The following RNGTT variants were observed in gnomAD, a reference collection of about 807,000 sequenced individuals.
RNGTT encodes the protein mRNA-capping enzyme.
In RNGTT, 33 loss-of-function variants were observed where a neutral mutation model predicts 79.3. The observed-to-expected ratio is 0.42, with a 90% CI of 0.32 to 0.56. The LOEUF (loss-of-function observed/expected upper bound fraction) is 0.56. Among genes scored for constraint, RNGTT ranks in the 20% least tolerant of loss-of-function variants. The pLI, the probability that RNGTT is intolerant of heterozygous loss-of-function variation, is 0.17. For synonymous variants in RNGTT, 222 were observed against 235.9 expected (o/e 0.94, Z 0.54); for missense variants, 497 against 739.1 (o/e 0.67, Z 3.80).
chr6:88,776,373 G>A (rs2127846715), intron 12 of RNGTT, among the ~76,000 whole-genome samples: 2 of 149,836 alleles, frequency 1.3e-5, no homozygotes, highest in Admixed American at 6.7e-5. Flanking sequence ...AGGCTGGAGT[G>A]CAGTGGCGCA....
intron 14 of RNGTT, 169 bp downstream of exon 14, chr6:88,678,183 AG>A (rs1427646796): frequency 1.6e-6 from 2 of 1,252,466 alleles, no homozygotes; most frequent in Admixed American, 3.8e-5. Context: ...TTGTAGAGAC[AG>A]GGTTCCCAGC....
chr6:88,786,239 A>T (rs1779225811), intron 12 of RNGTT, among the ~76,000 whole-genome samples: 1 of 152,160 alleles, frequency 6.6e-6, no homozygotes. Flanking sequence ...ATCAAAGCTG[A>T]TTTTTCAAAA....
intron 11 of RNGTT, among the ~76,000 whole-genome samples, chr6:88,835,975 AACACACACACACACACACAC>A (rs72228554): frequency 5.3e-5 from 6 of 113,764 alleles, no homozygotes; most frequent in African/African-American, 1.0e-4. Context: ...CTCTATTAAA[AACACACACACACACACACAC>A]ACACACACAC....
intron 1 of RNGTT, among the ~76,000 whole-genome samples, chr6:88,957,152 T>C (rs1413795937): frequency 1.3e-5 from 2 of 152,228 alleles, no homozygotes; most frequent in Non-Finnish European, 2.9e-5. Flanking sequence ...CCAGTATCCC[T>C]TCATGATTAA....
chr6:88,726,843 T>A (rs1488424002), intron 13 of RNGTT, among the ~76,000 whole-genome samples: 2 of 152,096 alleles, frequency 1.3e-5, no homozygotes, highest in East Asian at 3.8e-4. Context: ...AATCCCAAAC[T>A]TACAAGGTTT....
chr6:88,791,250 T>C (rs1779398884), intron 12 of RNGTT, among the ~76,000 whole-genome samples: 2 of 148,322 alleles, frequency 1.3e-5, no homozygotes. Context: ...GCTCAAGCAA[T>C]CCTCCTACCT....
chr6:88,617,046 G>C (rs889037983), intron 14 of RNGTT, among the ~76,000 whole-genome samples: 1 of 152,236 alleles, frequency 6.6e-6, no homozygotes, highest in African/African-American at 2.4e-5. Context: ...GCCGAGGTGG[G>C]CAGATCATGA....
chr6:88,694,918 G>GC, intron 13 of RNGTT, among the ~76,000 whole-genome samples: 1 of 151,936 alleles, frequency 6.6e-6, no homozygotes, highest in South Asian at 2.1e-4. Context: ...TAACACACCA[G>GC]CCCCCTGCTC....
chr6:88,807,312 T>C (rs570771089), intron 11 of RNGTT, among the ~76,000 whole-genome samples: 1 of 151,928 alleles, frequency 6.6e-6, no homozygotes, highest in South Asian at 2.1e-4. Flanking sequence ...GTGGAAAACA[T>C]GCATAAACGG....
intron 12 of RNGTT, among the ~76,000 whole-genome samples, chr6:88,780,994 C>A (rs1005924720): frequency 1.3e-5 from 2 of 152,164 alleles, no homozygotes; most frequent in Non-Finnish European, 2.9e-5. Flanking sequence ...CTACTGCCAT[C>A]TAGTGGTTAA....
In RNGTT at chr6:88,939,786, G is replaced by A. The variant is rs916126594; in HGVS notation, c.174+1285C>T. Among the ~76,000 whole-genome samples, 12 of 149,078 alleles carry A rather than the reference G, an allele frequency of 8.0e-5. No homozygotes were observed. The South Asian group carries it at 1.3e-3, about 16-fold the overall frequency. On this transcript the variant is annotated intron_variant, in intron 2 of 15. Coordinates refer to ENST00000369485, the MANE Select transcript of RNGTT (RefSeq NM_003800.5). ...CACTTCTCCTTTTTTTTTGAGACAC[G>A]GTCACACTATCGCCCAGGCTGCAGT...
chr6:88,814,441 ATAGCTT>A (rs1389865638), intron 11 of RNGTT, among the ~76,000 whole-genome samples: 1 of 152,216 alleles, frequency 6.6e-6, no homozygotes, highest in Non-Finnish European at 1.5e-5. Flanking sequence ...TTGCCTTAGT[ATAGCTT>A]TTAAAGCCCT....
intron 11 of RNGTT, among the ~76,000 whole-genome samples, chr6:88,838,330 T>C (rs966642722): frequency 3.3e-5 from 5 of 152,128 alleles, no homozygotes; most frequent in African/African-American, 9.7e-5. Flanking sequence ...TAGCACCTTT[T>C]TCACTTATAT....
chr6:88,690,423 T>C (rs906056885), intron 13 of RNGTT, among the ~76,000 whole-genome samples: 1 of 141,610 alleles, frequency 7.1e-6, no homozygotes, highest in Non-Finnish European at 1.5e-5. Flanking sequence ...AAAAAAAAAA[T>C]TGGTCGAGGG....
intron 8 of RNGTT, among the ~76,000 whole-genome samples, chr6:88,886,409 C>T (rs1357692049): frequency 6.6e-6 from 1 of 152,162 alleles, no homozygotes; most frequent in Non-Finnish European, 1.5e-5. Context: ...AATATTGACA[C>T]TTTTGGTGAA....
At chr6:88,876,522 A>AATC (rs762513480) in intron 8 of RNGTT, among the ~76,000 whole-genome samples, 8 of 152,226 alleles carry the variant, frequency 5.3e-5, no homozygotes, top group African/African-American at 1.4e-4. Flanking sequence ...CTCAAAAAAC[A>AATC]ATCATCATCA....
intron 1 of RNGTT, among the ~76,000 whole-genome samples, chr6:88,946,392 G>A (rs559024471): frequency 3.3e-5 from 5 of 150,456 alleles, no homozygotes; most frequent in African/African-American, 1.2e-4. Flanking sequence ...CCCTCTCCTG[G>A]AGCCTCCCTA....
intron 8 of RNGTT, among the ~76,000 whole-genome samples, chr6:88,865,023 C>T (rs1411285804): frequency 2.6e-5 from 4 of 151,890 alleles, no homozygotes; most frequent in African/African-American, 9.7e-5. Context: ...CAGTTGCACA[C>T]AATATGAATG....
At chr6:88,795,224 A>AT (rs1373672114) in intron 12 of RNGTT, among the ~76,000 whole-genome samples, 1 of 152,194 alleles carries the variant, frequency 6.6e-6, no homozygotes, top group Non-Finnish European at 1.5e-5. Context: ...TCAACTCTTT[A>AT]TACCCTAAAA....
Sources: gnomAD v4.1 joint callset for allele counts (sites outside exome capture counted in the v4.1 genomes callset) on GRCh38, gnomAD v4.1.1 for gene constraint, MANE v1.5 for transcripts, NCBI Gene and HGNC (gene_info 2026-07-23, HGNC 2026-07-21) for gene names.